The following PIGK variants were observed in gnomAD, a reference collection of about 807,000 sequenced individuals.
The protein encoded by PIGK is phosphatidylinositol glycan anchor biosynthesis class K.
PIGK carries 42 observed loss-of-function variants against 50.6 expected under a neutral mutation model. The observed-to-expected ratio is 0.83, with a 90% CI of 0.65 to 1.07. The LOEUF is 1.07. PIGK is among the 50% of genes least tolerant of loss of function. The pLI is 0.00. For missense variants in PIGK, 448 were observed against 488.7 expected, an observed-to-expected ratio of 0.92 and a Z score of 0.78; for synonymous variants, 151 against 156.0, an observed-to-expected ratio of 0.97 and a Z score of 0.24.
rs768625638 is a variant in PIGK at position 77,169,223 on chromosome 1, T to A, written c.375+37A>T. 3 of 1,369,686 alleles carry A rather than the reference T, an allele frequency of 2.2e-6. No individual in the cohort carries two copies. The South Asian group carries it at 4.4e-5, about 20-fold the overall frequency. 84.8% of individuals were successfully genotyped at this position (1,369,686 alleles called of 1,614,324 possible). Reference sequence around the variant, plus strand: ...TTGTTTTAGAGCCTAAAAGTAACAATGCCATTTTAAAAATGTGGCTAGATT... The same window carrying A: ...TTGTTTTAGAGCCTAAAAGTAACAAAGCCATTTTAAAAATGTGGCTAGATT... On this transcript the variant is annotated intron_variant, in intron 4 of 10. Coordinates refer to ENST00000370812, the MANE Select transcript of PIGK (RefSeq NM_005482.3).
chr1:77,153,275 A>G (rs1654931895), intron 9 of PIGK, among the ~76,000 whole-genome samples: 1 of 152,170 alleles, frequency 6.6e-6, no homozygotes, highest in Non-Finnish European at 1.5e-5. Context: ...CAAATATCAC[A>G]TATTCTCATT....
intron 10 of PIGK, among the ~76,000 whole-genome samples, chr1:77,099,451 C>T (rs987737152): frequency 3.3e-5 from 5 of 152,048 alleles, no homozygotes; most frequent in African/African-American, 1.2e-4. Context: ...TTGAAAGACT[C>T]CACCTAGAAG....
chr1:77,182,402 G>A (rs1655637222), intron 3 of PIGK, among the ~76,000 whole-genome samples: 1 of 152,082 alleles, frequency 6.6e-6, no homozygotes, highest in African/African-American at 2.4e-5. Flanking sequence ...TGCCCACCCA[G>A]ATTAAGGGTG....
intron 3 of PIGK, among the ~76,000 whole-genome samples, chr1:77,202,186 T>C (rs953567291): frequency 6.6e-6 from 1 of 152,174 alleles, no homozygotes; most frequent in African/African-American, 2.4e-5. Context: ...TCTAGACTAA[T>C]GAGGTTCTAC....
intron 3 of PIGK, among the ~76,000 whole-genome samples, chr1:77,175,549 A>C (rs1420706190): frequency 1.3e-5 from 2 of 152,208 alleles, no homozygotes; most frequent in African/African-American, 4.8e-5. Flanking sequence ...TGTATAAGGA[A>C]AGTAAAATTT....
rs1358481946 is a variant in PIGK at position 77,089,312 on chromosome 1, C to G, written c.*3062G>C. On this transcript the variant is annotated 3_prime_UTR_variant, in exon 11 of 11. Transcript: ENST00000370812. The stretch of plus-strand genomic sequence containing the variant: ...GAGATGTGACACTGAAGCAATAAGG[C>G]CAATTCTTTAAAGCAAAAATGGATA... 6.6e-6 allele frequency: 1 copy of G among 152,122 alleles called. No homozygotes were observed. The allele number at this position is 152,122 out of a possible 1,614,324, so 9.4% of individuals were successfully genotyped here.
rs1166312002 is a variant in PIGK at position 77,090,568 on chromosome 1, C to CTT, written c.*1804_*1805dup. Reference sequence around the variant, plus strand: ...ACGAATCCTTTTACTTTCTAGCAGTCTTTACAGGGTATGTTTCATTATATT... The same window carrying CTT: ...ACGAATCCTTTTACTTTCTAGCAGTCTTTTTACAGGGTATGTTTCATTATATT... On this transcript the variant is annotated 3_prime_UTR_variant, in exon 11 of 11. Coordinates refer to ENST00000370812, the MANE Select transcript of PIGK (RefSeq NM_005482.3). 6.6e-6 allele frequency: 1 copy of CTT among 152,192 alleles called. No homozygotes were observed. The highest frequency in any genetic ancestry group is 1.5e-5 in the Non-Finnish European group (1 of 68,030). 9.4% of individuals were successfully genotyped at this position (152,192 alleles called of 1,614,324 possible). A position where few individuals can be genotyped will look rare whatever the true frequency, so the allele number is the denominator to read the frequency against.
chr1:77,116,775 T>C (rs956406187), intron 10 of PIGK, among the ~76,000 whole-genome samples: 17 of 152,298 alleles, frequency 1.1e-4, no homozygotes, highest in African/African-American at 3.8e-4. Flanking sequence ...TTTCATAGCA[T>C]AGTACAGTCG....
At chr1:77,170,909 T>C (rs1457991802) in intron 3 of PIGK, among the ~76,000 whole-genome samples, 1 of 152,232 alleles carries the variant, frequency 6.6e-6, no homozygotes, top group Non-Finnish European at 1.5e-5. Flanking sequence ...ATTATTTTTC[T>C]TGAAAATTGG....
chr1:77,107,061 C>T (rs902457847), intron 10 of PIGK, among the ~76,000 whole-genome samples: 14 of 152,058 alleles, frequency 9.2e-5, no homozygotes, highest in Admixed American at 7.2e-4. Context: ...ATTGAATTTT[C>T]GAAGGGTTTT....
chr1:77,183,552 G>A (rs1473745161), intron 3 of PIGK, among the ~76,000 whole-genome samples: 32 of 152,120 alleles, frequency 2.1e-4, no homozygotes, highest in Non-Finnish European at 1.5e-5. Context: ...TACACTTGAA[G>A]TGCTTGAGTT....
At chr1:77,103,269 G>A (rs867142629) in intron 10 of PIGK, among the ~76,000 whole-genome samples, 31 of 152,024 alleles carry the variant, frequency 2.0e-4, no homozygotes, top group African/African-American at 6.8e-4. Flanking sequence ...GGACAATAAC[G>A]ATTCTCTTTT....
At chr1:77,104,608 CT>C (rs1266724286) in intron 10 of PIGK, among the ~76,000 whole-genome samples, 1 of 152,088 alleles carries the variant, frequency 6.6e-6, no homozygotes, top group Non-Finnish European at 1.5e-5. Context: ...TAATATTTGC[CT>C]AATTGGAGTC....
At chr1:77,168,500 A>G (rs1255620558) in intron 4 of PIGK, among the ~76,000 whole-genome samples, 1 of 152,004 alleles carries the variant, frequency 6.6e-6, no homozygotes, top group Non-Finnish European at 1.5e-5. Flanking sequence ...AAGGTTAAAC[A>G]TACATATTTA....
At chr1:77,105,014 T>C (rs1372191116) in intron 10 of PIGK, among the ~76,000 whole-genome samples, 1 of 152,176 alleles carries the variant, frequency 6.6e-6, no homozygotes, top group Non-Finnish European at 1.5e-5. Context: ...CCTTTCTAGG[T>C]ACCCACGCTT....
chr1:77,135,639 TC>T (rs1654491301), intron 9 of PIGK, among the ~76,000 whole-genome samples: 1 of 152,106 alleles, frequency 6.6e-6, no homozygotes, highest in Non-Finnish European at 1.5e-5. Flanking sequence ...TTTACTGCCT[TC>T]TCATTGATTT....
intron 3 of PIGK, among the ~76,000 whole-genome samples, chr1:77,188,161 A>T (rs978841170): frequency 6.6e-6 from 1 of 152,214 alleles, no homozygotes; most frequent in African/African-American, 2.4e-5. Flanking sequence ...TTGTTCAGGG[A>T]ATAAGAGAGA....
chr1:77,184,471 A>G (rs1655694849), intron 3 of PIGK, among the ~76,000 whole-genome samples: 1 of 152,170 alleles, frequency 6.6e-6, no homozygotes, highest in Non-Finnish European at 1.5e-5. Flanking sequence ...TCCTTCCCAC[A>G]AGAAAACCTC....
At chr1:77,149,194 A>C (rs1654839442) in intron 9 of PIGK, among the ~76,000 whole-genome samples, 1 of 152,178 alleles carries the variant, frequency 6.6e-6, no homozygotes, top group Non-Finnish European at 1.5e-5. Context: ...GGAGTTACAA[A>C]ATAACTAGAA....
Sources: allele counts gnomAD v4.1 joint callset (sites outside exome capture counted in the v4.1 genomes callset), GRCh38; gene constraint gnomAD v4.1.1; transcripts MANE v1.5; gene names NCBI Gene and HGNC (gene_info 2026-07-23, HGNC 2026-07-21).